The following MMP16 variants were observed in gnomAD, a reference collection of about 807,000 sequenced individuals.
MMP16 encodes matrix metalloproteinase-16.
MMP16 carries 12 observed loss-of-function variants against 67.8 expected under a neutral mutation model. The observed-to-expected ratio is 0.18, with a 90% CI of 0.11 to 0.29. The LOEUF is 0.29. Among genes scored for constraint, MMP16 ranks in the 10% least tolerant of loss-of-function variants. The pLI, the probability that MMP16 is intolerant of heterozygous loss-of-function variation, is 1.00. For missense variants in MMP16, 475 were observed against 765.7 expected, an observed-to-expected ratio of 0.62 and a Z score of 4.48; for synonymous variants, 249 against 255.9, an observed-to-expected ratio of 0.97 and a Z score of 0.26.
chr8:88,141,954 G>A (rs747408013), intron 4 of MMP16, among the ~76,000 whole-genome samples: 5 of 150,152 alleles, frequency 3.3e-5, no homozygotes, highest in Admixed American at 2.0e-4. Context: ...TCGCTCTGTC[G>A]CCAAGGTTAG....
At chr8:88,049,766 G>GTAATCCCA (rs1390499078) in intron 8 of MMP16, among the ~76,000 whole-genome samples, 1 of 152,190 alleles carries the variant, frequency 6.6e-6, no homozygotes, top group Non-Finnish European at 1.5e-5. Context: ...ACTCACACCT[G>GTAATCCCA]TAATCCCAGC....
chr8:88,149,373 C>G (rs1248548098), intron 4 of MMP16, among the ~76,000 whole-genome samples: 1 of 152,142 alleles, frequency 6.6e-6, no homozygotes, highest in Non-Finnish European at 1.5e-5. Context: ...CTCAAGGAGG[C>G]CTGCCTGCCT....
At chr8:88,185,917 T>C (rs573510648) in intron 3 of MMP16, among the ~76,000 whole-genome samples, 10 of 152,326 alleles carry the variant, frequency 6.6e-5, no homozygotes, top group African/African-American at 2.4e-4. Context: ...GCCTTGGCAT[T>C]GTTCTTTGTT....
At chr8:88,113,194 A>C (rs1490381981) in intron 6 of MMP16, among the ~76,000 whole-genome samples, 1 of 151,878 alleles carries the variant, frequency 6.6e-6, no homozygotes, top group Admixed American at 6.6e-5. Context: ...ATAAGAAATA[A>C]TTACAGAAGA....
chr8:88,123,482 A>G (rs1434344141), intron 4 of MMP16, among the ~76,000 whole-genome samples: 1 of 151,850 alleles, frequency 6.6e-6, no homozygotes. Context: ...TTCGCTGAAA[A>G]GAGGGCCACT....
At chr8:88,098,236 C>T (rs1013197616) in intron 6 of MMP16, among the ~76,000 whole-genome samples, 1 of 152,018 alleles carries the variant, frequency 6.6e-6, no homozygotes, top group Non-Finnish European at 1.5e-5. Context: ...TATTACTACA[C>T]TAGTATCAAT....
chr8:88,034,005 A>T lies in MMP16; in HGVS notation c.*7456T>A, dbSNP rs1488500605. On this transcript the variant is annotated 3_prime_UTR_variant, in exon 10 of 10. Transcript: ENST00000286614. ...AAATTTCCTTAGCTATCCTATCAAC[A>T]GGCAATACCCATCATACTCAGCATT... 6.6e-6 allele frequency: 1 copy of T among 152,054 alleles called. No individual in the cohort carries two copies. The highest frequency in any genetic ancestry group is 1.9e-4 in the East Asian group (1 of 5,194). 9.4% of individuals were successfully genotyped at this position (152,054 alleles called of 1,614,324 possible).
At chr8:88,117,399 T>C (rs1053686329) in intron 5 of MMP16, among the ~76,000 whole-genome samples, 2 of 152,154 alleles carry the variant, frequency 1.3e-5, no homozygotes, top group African/African-American at 4.8e-5. Flanking sequence ...TTGGTACAGA[T>C]GTAAAGCATC....
chr8:88,153,536 G>C (rs939934010), intron 4 of MMP16, among the ~76,000 whole-genome samples: 1 of 152,050 alleles, frequency 6.6e-6, no homozygotes, highest in African/African-American at 2.4e-5. Flanking sequence ...CAATGGAACA[G>C]AACAGAGCCC....
intron 1 of MMP16, among the ~76,000 whole-genome samples, chr8:88,218,783 A>G (rs1433007292): frequency 6.6e-6 from 1 of 152,110 alleles, no homozygotes; most frequent in Non-Finnish European, 1.5e-5. Context: ...GAAGCGCTGC[A>G]CATTAGTCAA....
chr8:88,121,231 G>A (rs1312552171), intron 4 of MMP16, among the ~76,000 whole-genome samples: 3 of 151,840 alleles, frequency 2.0e-5, no homozygotes, highest in African/African-American at 7.3e-5. Flanking sequence ...CGTTTCCAAG[G>A]GTGGAGTCAT....
At chr8:88,237,032 A>G (rs886151566) in intron 1 of MMP16, among the ~76,000 whole-genome samples, 1 of 152,194 alleles carries the variant, frequency 6.6e-6, no homozygotes, top group African/African-American at 2.4e-5. Flanking sequence ...CAGGTAAAAA[A>G]GTTAAATCTC....
At chr8:88,273,261 T>TG (rs1249534484) in intron 1 of MMP16, among the ~76,000 whole-genome samples, 2 of 151,102 alleles carry the variant, frequency 1.3e-5, no homozygotes, top group East Asian at 3.9e-4. Flanking sequence ...TTTTTTTTTT[T>TG]TTGTATTTTT....
intron 4 of MMP16, among the ~76,000 whole-genome samples, chr8:88,139,963 T>A (rs1192293065): frequency 6.6e-6 from 1 of 152,218 alleles, no homozygotes; most frequent in Non-Finnish European, 1.5e-5. Context: ...ATCACTGATC[T>A]CTAAAAATTT....
chr8:88,191,040 G>A (rs151240737), intron 2 of MMP16, among the ~76,000 whole-genome samples: 273 of 152,158 alleles, frequency 1.8e-3, no homozygotes, highest in African/African-American at 5.8e-3. Flanking sequence ...TTTCATAAAC[G>A]TAATACTGAT....
chr8:88,049,776 C>A (rs1202571793), intron 8 of MMP16, among the ~76,000 whole-genome samples: 1 of 152,182 alleles, frequency 6.6e-6, no homozygotes, highest in African/African-American at 2.4e-5. Flanking sequence ...GTAATCCCAG[C>A]ACTTTGGGAG....
At chr8:88,326,998 G>A (rs1388434311) in intron 1 of MMP16, 77 bp downstream of exon 1, 7 of 1,584,158 alleles carry the variant, frequency 4.4e-6, no homozygotes, top group Non-Finnish European at 5.2e-6. Context: ...TGAGCTACAA[G>A]GATCCCAGGA....
At chr8:88,186,239 C>T (rs1310922003) in intron 3 of MMP16, 3 of 367,288 alleles carry the variant, frequency 8.2e-6, no homozygotes, top group African/African-American at 6.3e-5. Context: ...ATAATATTGA[C>T]ATTTATTCAA....
intron 1 of MMP16, among the ~76,000 whole-genome samples, chr8:88,224,693 T>A (rs1809740209): frequency 6.6e-6 from 1 of 151,964 alleles, no homozygotes; most frequent in African/African-American, 2.4e-5. Flanking sequence ...AATTGTAAAC[T>A]CTACTTTTAT....
Sources: allele counts gnomAD v4.1 joint callset (sites outside exome capture counted in the v4.1 genomes callset), GRCh38; gene constraint gnomAD v4.1.1; transcripts MANE v1.5; gene names NCBI Gene and HGNC (gene_info 2026-07-23, HGNC 2026-07-21).